Variants in CEP104 observed in about 807,000 individuals in gnomAD.
CEP104 encodes centrosomal protein 104.
A neutral mutation model predicts 113.3 loss-of-function variants in CEP104; 84 were observed. That is an observed-to-expected ratio of 0.74 (90% CI 0.62 to 0.89). The LOEUF (loss-of-function observed/expected upper bound fraction) is 0.89, where lower values mean the gene tolerates loss of function less well. Among genes scored for constraint, CEP104 ranks in the 40% least tolerant of loss-of-function variants. The pLI is 0.00. For missense variants in CEP104, 1,053 were observed against 1,156.6 expected (o/e 0.91, Z 1.30); for synonymous variants, 378 against 421.7 (o/e 0.90, Z 1.27).
At chr1:3,822,541 G>A (rs914428311) in intron 20 of CEP104, among the ~76,000 whole-genome samples, 3 of 152,204 alleles carry the variant, frequency 2.0e-5, no homozygotes, top group Admixed American at 6.5e-5. Context: ...CTCAGCATTC[G>A]CTGCCTGGCA....
chr1:3,826,673 C>T (rs768659703), intron 16 of CEP104, 35 bp downstream of exon 16: 3 of 1,611,656 alleles, frequency 1.9e-6, no homozygotes, highest in East Asian at 2.2e-5. Flanking sequence ...TCTTTACACA[C>T]CCCAGTTCTT....
rs1217532171 is a variant in CEP104, at chr1:3,816,359, A to G, written c.2583T>C (p.Ala861=). The G allele has an allele frequency of 3.9e-6, 6 of 1,551,764 alleles. No homozygotes were observed. In the Admixed American group the frequency reaches 9.8e-5, roughly 25 times the overall value. The stretch of plus-strand genomic sequence containing the variant: ...TGCAGCCGGCTGGGCCCATCAGGTG[A>G]GCTTTCCATGCCTGCAGCAGAGGAG... The part of the protein sequence containing the change: ...NFSPGEEAWK[A]HLMGPAGCTM... The change falls in exon 21 of 22, where the codon GCT becomes GCC. Residue 861 remains alanine (A), a synonymous_variant. Coordinates refer to ENST00000378230, the MANE Select transcript of CEP104 (RefSeq NM_014704.4).
intron 15 of CEP104, 59 bp downstream of exon 15, chr1:3,829,207 A>AT (rs1644151393): frequency 8.7e-7 from 1 of 1,153,864 alleles, no homozygotes; most frequent in Non-Finnish European, 1.2e-6. Context: ...ATGTGGATCT[A>AT]TACAGCAAAA....
intron 6 of CEP104, among the ~76,000 whole-genome samples, chr1:3,841,220 G>C (rs919021667): frequency 6.6e-6 from 1 of 152,140 alleles, no homozygotes; most frequent in African/African-American, 2.4e-5. Context: ...AAGTGTACTT[G>C]GTGAATCTGT....
Position 3,819,335 on chromosome 1 carries a change from C to A in CEP104, c.2572-2965G>T, listed in dbSNP as rs942646440. Among the ~76,000 whole-genome samples the A allele has an allele frequency of 6.6e-6, 1 of 152,028 alleles. No individual in the cohort carries two copies. The highest frequency in any genetic ancestry group is 6.6e-5 in the Admixed American group (1 of 15,262). On this transcript the variant is annotated intron_variant, in intron 20 of 21. Coordinates refer to ENST00000378230, the MANE Select transcript of CEP104 (RefSeq NM_014704.4). The surrounding 1 kb of genome is among the most constrained non-coding windows in gnomAD (Gnocchi z 4.6). ...GAGAGGGGGCTGGGGAGAAAAGGGG[C>A]GGCATGTAGGCAGTGTTGTCTTTTG...
intron 10 of CEP104, 27 bp downstream of exon 10, chr1:3,836,468 G>GTTTTTTTTTTT: frequency 2.4e-5 from 24 of 1,010,582 alleles, no homozygotes; most frequent in South Asian, 4.6e-5. Context: ...CTGCCACCCC[G>GTTTTTTTTTTT]TTTTTTTTTT....
At chr1:3,849,691 T>C (rs1437834309) in intron 2 of CEP104, among the ~76,000 whole-genome samples, 1 of 152,260 alleles carries the variant, frequency 6.6e-6, no homozygotes, top group Non-Finnish European at 1.5e-5. Flanking sequence ...ACTTTTGAAA[T>C]GAAATTCTTT....
In CEP104 at chr1:3,814,065, G is replaced by A. The variant is rs145692363; in HGVS notation, c.*1337C>T. ...GATATTTTGTTGTTTCACACGGTTG[G>A]CAATTAAAACATATTTATACACTAA... On this transcript the variant is annotated 3_prime_UTR_variant, in exon 22 of 22. Transcript: ENST00000378230. The A allele has an allele frequency of 1.3e-5, 2 of 152,286 alleles. No homozygotes were observed. Among genetic ancestry groups the A allele is most frequent in the South Asian group, 2.1e-4 (1 of 4,822 alleles). The allele number at this position is 152,286 out of a possible 1,614,324, so 9.4% of individuals were successfully genotyped here. A position where few individuals can be genotyped will look rare whatever the true frequency, so the allele number is the denominator to read the frequency against.
intron 4 of CEP104, among the ~76,000 whole-genome samples, chr1:3,845,853 C>CA (rs1417561578): frequency 2.6e-5 from 4 of 152,062 alleles, no homozygotes; most frequent in Admixed American, 2.6e-4. Flanking sequence ...TATGGGAGGC[C>CA]AAGGTGGAAG....
intron 9 of CEP104, 26 bp from the exon 10 acceptor site, chr1:3,836,718 A>C: frequency 6.2e-7 from 1 of 1,607,746 alleles, no homozygotes; most frequent in Non-Finnish European, 8.5e-7. Context: ...GAGAGAGGAA[A>C]GTGCTGGGGA....
At chr1:3,847,369 CTCTTA>C (rs943315859) in intron 4 of CEP104, 101 bp downstream of exon 4, 52 of 1,153,398 alleles carry the variant, frequency 4.5e-5, no homozygotes, top group South Asian at 4.0e-4. Context: ...AAGAGATCCT[CTCTTA>C]TAAGATCACC....
intron 5 of CEP104, 68 bp downstream of exon 5, chr1:3,845,220 GA>G (rs1644485760): frequency 3.6e-6 from 4 of 1,116,412 alleles, no homozygotes; most frequent in Non-Finnish European, 4.0e-6. Context: ...TTTTTTGGGT[GA>G]AAATAAATGA....
In CEP104 at chr1:3,825,873, G is replaced by A; in HGVS notation, c.2256-7C>T. 1 of 1,578,564 alleles carries A rather than the reference G, an allele frequency of 6.3e-7. No individual in the cohort carries two copies. Among genetic ancestry groups the A allele is most frequent in the Admixed American group, 1.7e-5 (1 of 59,980 alleles). ...CCCACAAAAAATACACAAACTGAAAGCAAAGCAAAGCAGGAAATAAAGGTA... is the reference window on the plus strand; with the variant it reads ...CCCACAAAAAATACACAAACTGAAAACAAAGCAAAGCAGGAAATAAAGGTA... On this transcript the variant is annotated splice_polypyrimidine_tract_variant and splice_region_variant and intron_variant, in intron 17 of 21. Transcript: ENST00000378230.
chr1:3,844,017 T>G (rs1446610776), intron 6 of CEP104, among the ~76,000 whole-genome samples: 1 of 152,142 alleles, frequency 6.6e-6, no homozygotes, highest in African/African-American at 2.4e-5. Context: ...ACCTTTGGCC[T>G]CCCAAAGTGC....
At chr1:3,855,855 A>T (rs1644713434) in intron 1 of CEP104, 1 of 968,372 alleles carries the variant, frequency 1.0e-6, no homozygotes, top group South Asian at 4.8e-5. Flanking sequence ...ACATCCAGTT[A>T]TTGGCTGGTC....
chr1:3,846,032 T>C (rs910800833), intron 4 of CEP104, among the ~76,000 whole-genome samples: 2 of 148,982 alleles, frequency 1.3e-5, no homozygotes, highest in African/African-American at 5.0e-5. Context: ...TGAGCCGAGA[T>C]TGCACCACTG....
At position 3,848,656 on chromosome 1, in the gene CEP104, A is replaced by G; in HGVS notation, c.239T>C (p.Leu80Ser). 2 of 1,613,884 alleles carry G rather than the reference A, an allele frequency of 1.2e-6. No homozygotes were observed. Among genetic ancestry groups the G allele is most frequent in the Non-Finnish European group, 1.7e-6 (2 of 1,179,948 alleles). The change falls in exon 3 of 22, where the codon TTG (leucine) becomes TCG (serine). Residue 80 changes from leucine (L) to serine (S), a missense_variant. Leu to Ser is a moderately radical substitution (Grantham distance 145). Coordinates refer to ENST00000378230, the MANE Select transcript of CEP104 (RefSeq NM_014704.4). ...SKIEFYISESLPEYFAPYQAE... is the reference protein window; with the variant it reads ...SKIEFYISESSPEYFAPYQAE... The stretch of plus-strand genomic sequence containing the variant: ...TTGATAGGGTGCAAAATATTCAGGC[A>G]AGCTTTCACTAATGTAGAACTCAAT...
chr1:3,841,987 C>T (rs957083480), intron 6 of CEP104, among the ~76,000 whole-genome samples: 1 of 152,244 alleles, frequency 6.6e-6, no homozygotes, highest in African/African-American at 2.4e-5. Flanking sequence ...CCCCACAGTG[C>T]TTCCATCCAA....
chr1:3,839,622 C>A lies in CEP104; in HGVS notation c.721G>T (p.Ala241Ser). The change falls in exon 7 of 22, where the codon GCT (alanine) becomes TCT (serine). Residue 241 changes from alanine to serine, a missense_variant. Transcript: ENST00000378230. The stretch of plus-strand genomic sequence containing the variant: ...AAAGGCAATACCTTTTGCAAATCAG[C>A]AATGGCTTGTTTTAGTTTCTTGGCA... ...DYAKKLKQAI[A>S]DLQKVGERLG... 1.2e-6 allele frequency: 2 copies of A among 1,612,146 alleles called. No individual in the cohort carries two copies. The highest frequency in any genetic ancestry group is 1.7e-6 in the Non-Finnish European group (2 of 1,179,430).
Sources: gnomAD v4.1 joint callset for allele counts (sites outside exome capture counted in the v4.1 genomes callset) on GRCh38, gnomAD v4.1.1 for gene constraint, Gnocchi (gnomAD v3.1) non-coding constraint, MANE v1.5 for transcripts, NCBI Gene and HGNC (gene_info 2026-07-23, HGNC 2026-07-21) for gene names.